The following CDH4 variants were observed in gnomAD, a reference collection of about 807,000 sequenced individuals.
The protein encoded by CDH4 is cadherin 4.
CDH4 carries 33 observed loss-of-function variants against 86.0 expected under a neutral mutation model. The ratio of observed to expected loss-of-function variants is 0.38; its 90% CI spans 0.29 to 0.51. CDH4 has a LOEUF of 0.51. CDH4 is among the 20% of genes least tolerant of loss of function. CDH4 has a pLI of 0.86. For missense variants in CDH4, 1,114 were observed against 1,307.4 expected, an observed-to-expected ratio of 0.85 and a Z score of 2.28; for synonymous variants, 555 against 549.4, an observed-to-expected ratio of 1.01 and a Z score of -0.14.
At chr20:61,295,971 C>T (rs957708607) in intron 2 of CDH4, among the ~76,000 whole-genome samples, 3 of 152,102 alleles carry the variant, frequency 2.0e-5, no homozygotes, top group Non-Finnish European at 2.9e-5. Flanking sequence ...CGTGGGAACA[C>T]GTGGGAGGGT....
chr20:61,256,979 TTC>T (rs1487830927), intron 2 of CDH4, among the ~76,000 whole-genome samples: 2 of 152,336 alleles, frequency 1.3e-5, no homozygotes, highest in South Asian at 2.1e-4. Context: ...ACAGTGACAT[TTC>T]TCTCTGTACG....
At chr20:61,586,337 C>T (rs2086475176) in intron 2 of CDH4, among the ~76,000 whole-genome samples, 1 of 152,172 alleles carries the variant, frequency 6.6e-6, no homozygotes, top group Non-Finnish European at 1.5e-5. Context: ...CACTCTCCAG[C>T]ACTGATGGGT....
chr20:61,743,838 C>A, intron 3 of CDH4, 49 bp downstream of exon 3: 1 of 1,371,012 alleles, frequency 7.3e-7, no homozygotes, highest in Non-Finnish European at 1.0e-6. Flanking sequence ...TGACCTAGTT[C>A]CTCCTGCAGG....
intron 6 of CDH4, among the ~76,000 whole-genome samples, chr20:61,855,545 G>T (rs940414319): frequency 6.6e-6 from 1 of 152,182 alleles, no homozygotes; most frequent in Non-Finnish European, 1.5e-5. Flanking sequence ...CCTCTCTCCC[G>T]GAGACCCAGG....
chr20:61,577,264 G>A (rs2086389145), intron 2 of CDH4, among the ~76,000 whole-genome samples: 1 of 151,798 alleles, frequency 6.6e-6, no homozygotes, highest in Non-Finnish European at 1.5e-5. Context: ...GTGTATTGAA[G>A]GATGTGTGGA....
Position 61,928,306 on chromosome 20 carries a change from G to A in CDH4, c.1888G>A (p.Ala630Thr), listed in dbSNP as rs756845197. 7 of 1,610,722 alleles carry A rather than the reference G, an allele frequency of 4.3e-6. No homozygotes were observed. Among genetic ancestry groups the A allele is most frequent in the South Asian group, 1.1e-5 (1 of 91,084 alleles). The part of the protein sequence containing the change: ...AQICEKPNLN[A>T]INITAADADV... ...GATCTGCGAGAAGCCCAACCTGAAC[G>A]CCATCAACATCACGGCGGCCGACGC... Residue 630 changes from alanine (A) to threonine (T), a missense_variant, in exon 12 of 16, where the codon GCC (alanine) becomes ACC (threonine). By Grantham distance (58) the Ala-to-Thr change is moderately conservative (BLOSUM62 0). This residue lies in a region of CDH4 where 705 missense variants were observed against 914.1 expected (regional missense o/e 0.77). Coordinates refer to ENST00000614565, the MANE Select transcript of CDH4 (RefSeq NM_001794.5).
At position 61,400,608 on chromosome 20, in the gene CDH4, G is replaced by A. The variant is rs79055453; in HGVS notation, c.169+145671G>A. Among the ~76,000 whole-genome samples the A allele has an allele frequency of 5.2e-3, 798 of 152,284 alleles. 5 individuals are homozygous for A. The highest frequency in any genetic ancestry group is 0.018 in the African/African-American group (762 of 41,560). ...GTCACGCATGGATCCAGTCTCCACC[G>A]TCTCATCTCTGCACCATCGGGAACA... On this transcript the variant is annotated intron_variant, in intron 2 of 15. Coordinates refer to ENST00000614565, the MANE Select transcript of CDH4 (RefSeq NM_001794.5).
At chr20:61,883,586 G>C (rs1235822719) in intron 7 of CDH4, among the ~76,000 whole-genome samples, 1 of 152,236 alleles carries the variant, frequency 6.6e-6, no homozygotes, top group Admixed American at 6.5e-5. Flanking sequence ...GGCTCCAAGA[G>C]CCACTGGAAC....
intron 2 of CDH4, among the ~76,000 whole-genome samples, chr20:61,292,490 A>G (rs2084328025): frequency 6.6e-6 from 1 of 152,210 alleles, no homozygotes; most frequent in Non-Finnish European, 1.5e-5. Context: ...CCCCAGGGGC[A>G]CTGGGCAACT....
intron 2 of CDH4, among the ~76,000 whole-genome samples, chr20:61,499,960 A>T (rs1445473503): frequency 6.6e-6 from 1 of 152,202 alleles, no homozygotes. Flanking sequence ...CCCAGGAGGC[A>T]CGGGCGCAGC....
chr20:61,733,391 G>A (rs372664548), intron 2 of CDH4, among the ~76,000 whole-genome samples: 71 of 152,224 alleles, frequency 4.7e-4, no homozygotes, highest in South Asian at 1.5e-3. Context: ...GCCTTCACAC[G>A]TGCTGTTCCC....
chr20:61,775,010 G>T (rs1197665651), intron 4 of CDH4, among the ~76,000 whole-genome samples: 1 of 152,170 alleles, frequency 6.6e-6, no homozygotes, highest in Non-Finnish European at 1.5e-5. Context: ...CTTTATAAGA[G>T]AATGACTTCT....
At position 61,511,556 on chromosome 20, in the gene CDH4, C is replaced by T. The variant is rs1237728975; in HGVS notation, c.170-232007C>T. Among the ~76,000 whole-genome samples the T allele has an allele frequency of 4.6e-5, 7 of 152,236 alleles. No homozygotes were observed. The East Asian group carries it at 5.8e-4, about 13-fold the overall frequency. On this transcript the variant is annotated intron_variant, in intron 2 of 15. Coordinates refer to ENST00000614565, the MANE Select transcript of CDH4 (RefSeq NM_001794.5). ...AGCTTCTCTCTGCTTTGACCAGCAG[C>T]GGGTACTTCCCAACACTCACTTAAG...
At chr20:61,894,566 C>T (rs746979023) in intron 7 of CDH4, among the ~76,000 whole-genome samples, 7 of 152,288 alleles carry the variant, frequency 4.6e-5, no homozygotes, top group Middle Eastern at 3.4e-3. Context: ...TTTTCTAGAC[C>T]GAATGCAACC....
chr20:61,820,842 A>G (rs1178094655), intron 4 of CDH4, among the ~76,000 whole-genome samples: 1 of 152,136 alleles, frequency 6.6e-6, no homozygotes, highest in Non-Finnish European at 1.5e-5. Flanking sequence ...CCAGGCAGGG[A>G]GGCTGTGCCC....
At chr20:61,746,163 T>C (rs948915605) in intron 3 of CDH4, among the ~76,000 whole-genome samples, 1 of 151,850 alleles carries the variant, frequency 6.6e-6, no homozygotes, top group African/African-American at 2.4e-5. Flanking sequence ...GCGTATGTCG[T>C]TTTCGTACTT....
At chr20:61,785,637 C>A (rs550191193) in intron 4 of CDH4, among the ~76,000 whole-genome samples, 8 of 151,684 alleles carry the variant, frequency 5.3e-5, no homozygotes, top group Non-Finnish European at 1.0e-4. Flanking sequence ...GTTTGCAGAG[C>A]CCCCACCCAG....
chr20:61,487,942 C>A (rs2085605347), intron 2 of CDH4, among the ~76,000 whole-genome samples: 1 of 152,184 alleles, frequency 6.6e-6, no homozygotes, highest in African/African-American at 2.4e-5. Context: ...AGCATCTAAG[C>A]AATGTCTTAA....
intron 2 of CDH4, among the ~76,000 whole-genome samples, chr20:61,360,270 G>C (rs1219625913): frequency 6.6e-6 from 1 of 152,224 alleles, no homozygotes; most frequent in Non-Finnish European, 1.5e-5. Flanking sequence ...TACCCTTGAG[G>C]ATCTTTCCAG....
Sources: gnomAD v4.1 joint callset for allele counts (sites outside exome capture counted in the v4.1 genomes callset) on GRCh38, gnomAD v4.1.1 for gene constraint, gnomAD v4.1.1 regional missense constraint, MANE v1.5 for transcripts, NCBI Gene and HGNC (gene_info 2026-07-23, HGNC 2026-07-21) for gene names.